MEGF10: variants seen among roughly 807,000 people sequenced by gnomAD.
MEGF10 encodes multiple epidermal growth factor-like domains protein 10.
Under a neutral mutation model 147.5 loss-of-function variants are expected in MEGF10, and 86 were observed. That is an observed-to-expected ratio of 0.58 (90% CI 0.49 to 0.70). The LOEUF (loss-of-function observed/expected upper bound fraction) is 0.70. Among genes scored for constraint, MEGF10 ranks in the 30% least tolerant of loss-of-function variants. The pLI, the probability that MEGF10 is intolerant of heterozygous loss-of-function variation, is 0.00. For synonymous variants in MEGF10, 478 were observed against 525.5 expected, an observed-to-expected ratio of 0.91 and a Z score of 1.24; for missense variants, 1,329 against 1,487.3, an observed-to-expected ratio of 0.89 and a Z score of 1.75.
intron 5 of MEGF10, among the ~76,000 whole-genome samples, chr5:127,374,174 C>G (rs1462434016): frequency 6.6e-6 from 1 of 152,198 alleles, no homozygotes; most frequent in Non-Finnish European, 1.5e-5. Context: ...GCTCCAGGAG[C>G]CAGGTACTGG....
chr5:127,252,919 CAG>C, the MEGF10 span, among the ~76,000 whole-genome samples: 2 of 151,474 alleles, frequency 1.3e-5, no homozygotes, highest in Admixed American at 6.6e-5. Context: ...TTTTTTGAGA[CAG>C]AGTGATGAAT....
At chr5:127,339,084 G>T (rs757552642) in intron 2 of MEGF10, 36 bp from the exon 3 acceptor site, 1 of 1,390,252 alleles carries the variant, frequency 7.2e-7, no homozygotes, top group East Asian at 2.3e-5. Context: ...TTAAAAAAGA[G>T]AAATACTGAT....
chr5:127,317,181 T>A (rs1214866148), intron 1 of MEGF10, among the ~76,000 whole-genome samples: 1 of 152,222 alleles, frequency 6.6e-6, no homozygotes, highest in African/African-American at 2.4e-5. Flanking sequence ...GTTGTTTGTT[T>A]TTTTCTTGTA....
At chr5:127,386,844 A>G (rs570098878) in intron 5 of MEGF10, among the ~76,000 whole-genome samples, 2 of 152,368 alleles carry the variant, frequency 1.3e-5, no homozygotes, top group African/African-American at 4.8e-5. Flanking sequence ...CCCAATGTGC[A>G]AATCAGGGAA....
intron 3 of MEGF10, 75 bp downstream of exon 3, chr5:127,339,296 C>A: frequency 1.0e-6 from 1 of 996,504 alleles, no homozygotes; most frequent in Non-Finnish European, 1.6e-6. Flanking sequence ...TTAATGACAG[C>A]AGAAAGTGCA....
intron 2 of MEGF10, among the ~76,000 whole-genome samples, chr5:127,337,356 C>T (rs115669018): frequency 1.7e-4 from 26 of 152,150 alleles, no homozygotes; most frequent in African/African-American, 5.8e-4. Flanking sequence ...GTTGCAGCTG[C>T]CTGCTGCATG....
chr5:127,429,831 TA>T (rs1009132161), intron 13 of MEGF10, among the ~76,000 whole-genome samples: 2 of 152,150 alleles, frequency 1.3e-5, no homozygotes, highest in Non-Finnish European at 2.9e-5. Context: ...TCTGCCCTCC[TA>T]TAAAGCACAA....
intron 4 of MEGF10, among the ~76,000 whole-genome samples, chr5:127,369,358 C>A (rs1762767455): frequency 6.6e-6 from 1 of 152,092 alleles, no homozygotes; most frequent in Non-Finnish European, 1.5e-5. Flanking sequence ...TCCCAAAGAC[C>A]TGGGTGGCAT....
intron 4 of MEGF10, among the ~76,000 whole-genome samples, chr5:127,349,264 A>G (rs1762004213): frequency 6.6e-6 from 1 of 152,112 alleles, no homozygotes; most frequent in Non-Finnish European, 1.5e-5. Context: ...TCTAAGCATC[A>G]CCTCATAATT....
At chr5:127,433,320 G>A (rs111801586) in intron 13 of MEGF10, 43 bp from the exon 14 acceptor site, 13 of 1,613,494 alleles carry the variant, frequency 8.1e-6, no homozygotes, top group African/African-American at 4.0e-5. Context: ...CGGAAACTCC[G>A]CACTGCCTCT....
intron 2 of MEGF10, among the ~76,000 whole-genome samples, chr5:127,336,281 A>G (rs972108055): frequency 2.0e-5 from 3 of 151,788 alleles, no homozygotes; most frequent in Non-Finnish European, 4.4e-5. Flanking sequence ...TTATACTCCT[A>G]TTTCCCCCAA....
At chr5:127,399,314 A>G (rs1764041352) in intron 7 of MEGF10, among the ~76,000 whole-genome samples, 1 of 152,220 alleles carries the variant, frequency 6.6e-6, no homozygotes, top group Non-Finnish European at 1.5e-5. Context: ...AGAGGAAGCT[A>G]TTCAACATGT....
intron 4 of MEGF10, among the ~76,000 whole-genome samples, chr5:127,352,624 G>A (rs912575672): frequency 1.3e-5 from 2 of 152,116 alleles, no homozygotes; most frequent in Admixed American, 6.5e-5. Flanking sequence ...CCGAGATGGC[G>A]ACATTGCACT....
intron 1 of MEGF10, among the ~76,000 whole-genome samples, chr5:127,302,834 C>T (rs570555953): frequency 2.0e-5 from 3 of 152,078 alleles, no homozygotes; most frequent in South Asian, 4.2e-4. Context: ...CAAGTGAATC[C>T]GTCTCAGAAG....
the MEGF10 span, among the ~76,000 whole-genome samples, chr5:127,243,483 A>T: frequency 6.6e-6 from 1 of 152,182 alleles, no homozygotes; most frequent in Non-Finnish European, 1.5e-5. Context: ...AGTATGTCCA[A>T]TTTTTCTTTC....
chr5:127,270,897 A>T, the MEGF10 span, among the ~76,000 whole-genome samples: 4 of 152,346 alleles, frequency 2.6e-5, no homozygotes, highest in South Asian at 8.3e-4. Context: ...AAAGGACATG[A>T]TCGCATTTCT....
the MEGF10 span, among the ~76,000 whole-genome samples, chr5:127,281,137 G>A: frequency 3.3e-5 from 5 of 152,156 alleles, no homozygotes; most frequent in African/African-American, 1.2e-4. Flanking sequence ...GACCAGTTCC[G>A]AGGAATGATT....
intron 4 of MEGF10, among the ~76,000 whole-genome samples, chr5:127,356,317 A>C (rs758366889): frequency 6.6e-6 from 1 of 152,224 alleles, no homozygotes; most frequent in African/African-American, 2.4e-5. Context: ...GGTAGAATCA[A>C]TGCTGCACTG....
At chr5:127,265,540 T>C in the MEGF10 span, among the ~76,000 whole-genome samples, 2 of 152,106 alleles carry the variant, frequency 1.3e-5, no homozygotes, top group Admixed American at 1.3e-4. Context: ...CCACCAACAG[T>C]GTAAAAGTGT....
Sources: allele counts gnomAD v4.1 joint callset (sites outside exome capture counted in the v4.1 genomes callset), GRCh38; gene constraint gnomAD v4.1.1; transcripts MANE v1.5; gene names NCBI Gene and HGNC (gene_info 2026-07-23, HGNC 2026-07-21).